Variants in SMOC1 observed in about 807,000 individuals in gnomAD.
The protein encoded by SMOC1 is SPARC related modular calcium binding 1.
SMOC1 carries 22 observed loss-of-function variants against 56.3 expected under a neutral mutation model. The ratio of observed to expected loss-of-function variants is 0.39; its 90% CI spans 0.28 to 0.56. SMOC1 has a LOEUF of 0.56. Among genes scored for constraint, SMOC1 ranks in the 20% least tolerant of loss-of-function variants. SMOC1 has a pLI of 0.61. For synonymous variants in SMOC1, 193 were observed against 215.0 expected (o/e 0.90, Z 0.89); for missense variants, 509 against 565.4 (o/e 0.90, Z 1.01).
In SMOC1 at chr14:70,023,240, C is replaced by A. The variant is rs140885357; in HGVS notation, c.1084C>A (p.Arg362=). The A allele has an allele frequency of 1.9e-6, 3 of 1,613,962 alleles. No individual in the cohort carries two copies. The highest frequency in any genetic ancestry group is 2.7e-5 in the African/African-American group (2 of 74,864). ...EPDPSHTLEE[R]VVHWYFSQLD... ...AGACCCCAGCCACACCCTGGAGGAG[C>A]GGGTAGTGCACTGGTATTTCAGCCA... The change falls in exon 11 of 12, where the codon CGG becomes AGG. Residue 362 remains arginine, a synonymous_variant. Coordinates refer to ENST00000361956, the MANE Select transcript of SMOC1 (RefSeq NM_001034852.3).
intron 1 of SMOC1, among the ~76,000 whole-genome samples, chr14:69,912,515 A>G (rs1291713651): frequency 6.6e-6 from 1 of 152,210 alleles, no homozygotes; most frequent in Non-Finnish European, 1.5e-5. Context: ...AGCCTCCTAA[A>G]GTGCTGAGAT....
intron 5 of SMOC1, among the ~76,000 whole-genome samples, chr14:69,985,041 GAAAAAAAA>G (rs58714036): frequency 1.5e-5 from 2 of 136,610 alleles, no homozygotes; most frequent in African/African-American, 5.3e-5. Flanking sequence ...CTCAAAAAAA[GAAAAAAAA>G]AAAAGAAAAG....
In SMOC1 at chr14:69,933,973, T is replaced by G. The variant is rs115611886; in HGVS notation, c.100-18165T>G. Among the ~76,000 whole-genome samples, 1,502 of 152,310 alleles carry G rather than the reference T, an allele frequency of 9.9e-3. 25 individuals carry two copies. The highest frequency in any genetic ancestry group is 0.033 in the African/African-American group (1,390 of 41,558). ...TAATAGAAGTATTAATGTAGTAACA[T>G]CTAAGATTTTTCAAACAGTTTTTAT... On this transcript the variant is annotated intron_variant, in intron 1 of 11. Coordinates refer to ENST00000361956, the MANE Select transcript of SMOC1 (RefSeq NM_001034852.3).
chr14:70,021,263 C>G (rs550372778), intron 10 of SMOC1, among the ~76,000 whole-genome samples: 1 of 152,184 alleles, frequency 6.6e-6, no homozygotes, highest in Non-Finnish European at 1.5e-5. Context: ...CAGGGACAGG[C>G]AGGTCACTCC....
At chr14:69,978,046 G>T (rs759188379) in intron 5 of SMOC1, 81 bp downstream of exon 5, 1 of 1,150,028 alleles carries the variant, frequency 8.7e-7, no homozygotes, top group South Asian at 1.2e-5. Context: ...GATAGAAGGA[G>T]CCTGGGGTGA....
intron 1 of SMOC1, among the ~76,000 whole-genome samples, chr14:69,899,092 C>T (rs1468949474): frequency 6.6e-6 from 1 of 152,142 alleles, no homozygotes; most frequent in South Asian, 2.1e-4. Flanking sequence ...GTTTATTTCC[C>T]TTCTCCCAGG....
chr14:69,966,871 C>T (rs1883595891), intron 3 of SMOC1, among the ~76,000 whole-genome samples: 1 of 152,222 alleles, frequency 6.6e-6, no homozygotes, highest in African/African-American at 2.4e-5. Flanking sequence ...TTTCAGCCAA[C>T]AATTTATTTC....
In SMOC1 at chr14:70,023,301, G is replaced by A. The variant is rs899963298; in HGVS notation, c.1145G>A (p.Arg382Gln). 15 of 1,614,022 alleles carry A rather than the reference G, an allele frequency of 9.3e-6. No homozygotes were observed. The highest frequency in any genetic ancestry group is 3.3e-5 in the South Asian group (3 of 91,078). The change falls in exon 11 of 12, where the codon CGG becomes CAG. Residue 382 changes from arginine to glutamine, a missense_variant. Physicochemically the swap from Arg to Gln is conservative, Grantham distance 43 (BLOSUM62 1). Around this residue, in one of 3 missense-constraint regions of SMOC1, gnomAD observed 176 missense variants for 188.1 expected, o/e 0.94. Coordinates refer to ENST00000361956, the MANE Select transcript of SMOC1 (RefSeq NM_001034852.3). ...DSNSSNDINK[R>Q]EMKPFKRYVK... Reference sequence around the variant, plus strand: ...AATAGCAGCAACGACATTAACAAGCGGGAGATGAAGCCCTTCAAGCGCTAC... The same window carrying A: ...AATAGCAGCAACGACATTAACAAGCAGGAGATGAAGCCCTTCAAGCGCTAC...
rs542598196 is a variant in SMOC1, at chr14:69,897,169, C to G, written c.99+17392C>G. ...CCTCCTCTCAACCCACATGAGCCTT[C>G]CCCTTGTCTGGGGGTTGGAAAGCCA... On this transcript the variant is annotated intron_variant, in intron 1 of 11. Transcript: ENST00000361956. Among the ~76,000 whole-genome samples the G allele has an allele frequency of 5.3e-5, 8 of 152,272 alleles. No individual in the cohort carries two copies. In the South Asian group the frequency reaches 1.7e-3, roughly 32 times the overall value.
At chr14:69,885,452 T>C (rs1253968128) in intron 1 of SMOC1, 11 of 1,601,140 alleles carry the variant, frequency 6.9e-6, no homozygotes, top group Non-Finnish European at 9.3e-6. Flanking sequence ...GATCTCATCG[T>C]ATCTGTCATT....
rs1356877445 is a variant in SMOC1 at position 70,032,229 on chromosome 14, A to G, written c.*1971A>G. The G allele has an allele frequency of 2.6e-5, 4 of 152,322 alleles. No homozygotes were observed. The East Asian group carries it at 7.7e-4, about 29-fold the overall frequency. 9.4% of individuals were successfully genotyped at this position (152,322 alleles called of 1,614,324 possible). A position where few individuals can be genotyped will look rare whatever the true frequency, so the allele number is the denominator to read the frequency against. ...ACGGCGCCTGCCTGTAGATGTTTGG[A>G]TCTTCGAGATCTCCCCAGGCATCTT... On this transcript the variant is annotated 3_prime_UTR_variant, in exon 12 of 12. Transcript: ENST00000361956.
chr14:69,916,470 C>T (rs931560253), intron 1 of SMOC1, among the ~76,000 whole-genome samples: 14 of 152,218 alleles, frequency 9.2e-5, no homozygotes, highest in African/African-American at 3.1e-4. Flanking sequence ...AGATCATTCA[C>T]TCCTCTGCTG....
At chr14:69,919,910 A>AC (rs36119349) in intron 1 of SMOC1, among the ~76,000 whole-genome samples, 13,018 of 116,018 alleles carry the variant, frequency 0.11, 850 homozygotes, top group Non-Finnish European at 0.15. Context: ...GAACACAAAT[A>AC]CCCCCCCCCC....
intron 10 of SMOC1, among the ~76,000 whole-genome samples, chr14:70,017,858 T>A (rs1201427418): frequency 6.6e-6 from 1 of 152,032 alleles, no homozygotes; most frequent in Non-Finnish European, 1.5e-5. Context: ...AGCCAGAGCA[T>A]GTGAGGGAAG....
intron 11 of SMOC1, among the ~76,000 whole-genome samples, chr14:70,025,674 G>A (rs756293621): frequency 1.5e-4 from 23 of 152,216 alleles, no homozygotes; most frequent in Non-Finnish European, 2.6e-4. Flanking sequence ...CTTACTGGTT[G>A]AGCATCCCAA....
chr14:69,882,826 AC>A (rs1883681321), intron 1 of SMOC1, among the ~76,000 whole-genome samples: 1 of 152,302 alleles, frequency 6.6e-6, no homozygotes, highest in Non-Finnish European at 1.5e-5. Context: ...GGGGCCAGAC[AC>A]CTGTCAAGAT....
intron 4 of SMOC1, among the ~76,000 whole-genome samples, chr14:69,977,044 C>T (rs994954901): frequency 2.0e-5 from 3 of 152,162 alleles, no homozygotes; most frequent in African/African-American, 7.2e-5. Flanking sequence ...TTCAAATGAC[C>T]TGGAAAGTTT....
At chr14:69,898,939 TG>T (rs1042475127) in intron 1 of SMOC1, among the ~76,000 whole-genome samples, 1 of 152,056 alleles carries the variant, frequency 6.6e-6, no homozygotes, top group African/African-American at 2.4e-5. Context: ...TGGTAAGATG[TG>T]GGGGGAGGAG....
At chr14:69,893,784 G>A (rs566736014) in intron 1 of SMOC1, among the ~76,000 whole-genome samples, 1 of 152,162 alleles carries the variant, frequency 6.6e-6, no homozygotes, top group Admixed American at 6.5e-5. Flanking sequence ...TTCATGTGAA[G>A]TCTCAACCCC....
Sources: allele counts gnomAD v4.1 joint callset (sites outside exome capture counted in the v4.1 genomes callset), GRCh38; gene constraint gnomAD v4.1.1; regional missense constraint gnomAD v4.1.1; transcripts MANE v1.5; gene names NCBI Gene and HGNC (gene_info 2026-07-23, HGNC 2026-07-21).